BPIFB6: variants seen among roughly 807,000 people sequenced by gnomAD.
BPIFB6 encodes the protein BPI fold-containing family B member 6.
A neutral mutation model predicts 54.7 loss-of-function variants in BPIFB6; 47 were observed. The ratio of observed to expected loss-of-function variants is 0.86; its 90% CI spans 0.68 to 1.10. The LOEUF is 1.10. BPIFB6 is among the 50% of genes least tolerant of loss of function. BPIFB6 has a pLI of 0.00. For missense variants in BPIFB6, 603 were observed against 564.1 expected (o/e 1.07, Z -0.70); for synonymous variants, 255 against 225.9 (o/e 1.13, Z -1.16).
intron 3 of BPIFB6, 101 bp from the exon 4 acceptor site, chr20:33,034,662 C>A (rs941671956): frequency 7.3e-7 from 1 of 1,377,322 alleles, no homozygotes; most frequent in Non-Finnish European, 9.9e-7. Flanking sequence ...GTCTCCTACC[C>A]TTTCTCCCTC....
Position 33,034,194 on chromosome 20 carries a change from T to A in BPIFB6, c.206T>A (p.Val69Glu), listed in dbSNP as rs567981759. Residue 69 changes from valine to glutamate, a missense_variant, in exon 3 of 15, where the codon GTG (valine) becomes GAG (glutamate). By Grantham distance (121) the Val-to-Glu change is moderately radical (BLOSUM62 -2). Coordinates refer to ENST00000349552, the MANE Select transcript of BPIFB6 (RefSeq NM_174897.2). ...TGCCTGTCCCTTCCCAGTTTGAAGG[T>A]GAAGGATGTCCAGCTGCCCGTCATC... ...KPIKGITNLK[V>E]KDVQLPVITL... 2.5e-6 allele frequency: 4 copies of A among 1,613,052 alleles called. No individual in the cohort carries two copies. In the South Asian group the frequency reaches 4.4e-5, roughly 18 times the overall value.
intron 11 of BPIFB6, among the ~76,000 whole-genome samples, chr20:33,041,681 G>A (rs1485490251): frequency 6.6e-6 from 1 of 152,170 alleles, no homozygotes; most frequent in Non-Finnish European, 1.5e-5. Context: ...CTGCATAGCT[G>A]GCCTTGGGCA....
rs1979229306 is a variant in BPIFB6, at chr20:33,034,236, C to T, written c.248C>T (p.Pro83Leu). 3 of 1,614,170 alleles carry T rather than the reference C, an allele frequency of 1.9e-6. No individual in the cohort carries two copies. Among genetic ancestry groups the T allele is most frequent in the East Asian group, 2.2e-5 (1 of 44,880 alleles). ...CCCGTCATCACACTGAACTTTGTAC[C>T]TGGAGTGGGCATCTTCCAATGTGTG... ...QLPVITLNFV[P>L]GVGIFQCVST... Residue 83 changes from proline to leucine, a missense_variant, in exon 3 of 15, where the codon CCT (proline) becomes CTT (leucine). Transcript: ENST00000349552.
intron 1 of BPIFB6, among the ~76,000 whole-genome samples, 180 bp from the exon 2 acceptor site, chr20:33,032,804 G>A (rs751589493): frequency 6.6e-6 from 1 of 152,164 alleles, no homozygotes; most frequent in Admixed American, 6.5e-5. Context: ...GGCTCCTACA[G>A]CTTGTTACTG....
chr20:33,035,465 T>C (rs970401773), intron 5 of BPIFB6, 147 bp from the exon 6 acceptor site: 34 of 818,834 alleles, frequency 4.2e-5, no homozygotes, highest in Non-Finnish European at 6.7e-5. Flanking sequence ...AGCTCTGCCA[T>C]TTACTTTCTG....
Position 33,037,694 on chromosome 20 carries a change from G to T in BPIFB6, c.802G>T (p.Ala268Ser). 5 of 1,614,148 alleles carry T rather than the reference G, an allele frequency of 3.1e-6. No homozygotes were observed. The highest frequency in any genetic ancestry group is 1.3e-5 in the African/African-American group (1 of 75,018). The change falls in exon 8 of 15, where the codon GCC becomes TCC. Residue 268 changes from alanine to serine, a missense_variant. By Grantham distance (99) the Ala-to-Ser change is moderately conservative. Coordinates refer to ENST00000349552, the MANE Select transcript of BPIFB6 (RefSeq NM_174897.2). ...LPATFLSAELALLQKSFHVNI... is the reference protein window; with the variant it reads ...LPATFLSAELSLLQKSFHVNI... ...AGCCACCTTCCTCTCTGCAGAGCTT[G>T]CCCTTCTGCAGAAGTCCTTTCATGT...
At position 33,041,903 on chromosome 20, in the gene BPIFB6, G is replaced by T. The variant is rs371017349; in HGVS notation, c.1143-67G>T. On this transcript the variant is annotated intron_variant, in intron 11 of 14. Transcript: ENST00000349552. ...GGTGCTTGGGACCCCCTTCTCCAGC[G>T]CCAGGGCCACTGGCTCTGACCGTTC... The T allele has an allele frequency of 6.7e-6, 10 of 1,488,772 alleles. No individual in the cohort carries two copies. In the African/African-American group the frequency reaches 8.3e-5, roughly 12 times the overall value. The allele number at this position is 1,488,772 out of a possible 1,614,324, so 92.2% of individuals were successfully genotyped here. A position where few individuals can be genotyped will look rare whatever the true frequency, so the allele number is the denominator to read the frequency against.
intron 6 of BPIFB6, 33 bp downstream of exon 6, chr20:33,035,705 C>A: frequency 1.9e-6 from 3 of 1,596,820 alleles, no homozygotes; most frequent in Non-Finnish European, 2.6e-6. Flanking sequence ...CTTGCCCCTA[C>A]CTAGGGATAT....
Position 33,033,042 on chromosome 20 carries a change from C to T in BPIFB6, c.156C>T (p.Gly52=), listed in dbSNP as rs758327145. 1.9e-6 allele frequency: 3 copies of T among 1,613,880 alleles called. No homozygotes were observed. Among genetic ancestry groups the T allele is most frequent in the Non-Finnish European group, 2.5e-6 (3 of 1,179,940 alleles). The change falls in exon 2 of 15, where the codon GGC becomes GGT. Residue 52 remains glycine (G), a synonymous_variant. Coordinates refer to ENST00000349552, the MANE Select transcript of BPIFB6 (RefSeq NM_174897.2). ...HILEKMAAEA[G]KKQPGMKPIK... ...TGGAGAAGATGGCAGCCGAGGCAGG[C>T]AAGAAACAGCCAGGGATGAAACCTA...
At position 33,039,429 on chromosome 20, in the gene BPIFB6, G is replaced by C. The variant is rs775834459; in HGVS notation, c.983G>C (p.Gly328Ala). ...KKPPKVTMKT[G>A]KSLLHLHSTL... ...CCTCCCAAGGTCACTATGAAGACAG[G>C]CAAGAGCCTGCTGCACCTCCACAGC... Residue 328 changes from glycine (G) to alanine (A), a missense_variant, in exon 10 of 15, where the codon GGC (glycine) becomes GCC (alanine). Coordinates refer to ENST00000349552, the MANE Select transcript of BPIFB6 (RefSeq NM_174897.2). 3 of 1,614,070 alleles carry C rather than the reference G, an allele frequency of 1.9e-6. No individual in the cohort carries two copies. The East Asian group carries it at 6.7e-5, about 36-fold the overall frequency.
At chr20:33,035,205 C>A in intron 5 of BPIFB6, 61 bp downstream of exon 5, 1 of 1,533,546 alleles carries the variant, frequency 6.5e-7, no homozygotes, top group Non-Finnish European at 9.0e-7. Context: ...CCAGGGCTGG[C>A]AAATGCATTT....
At chr20:33,036,600 G>T (rs1175311748) in intron 7 of BPIFB6, 64 bp downstream of exon 7, 1 of 1,437,738 alleles carries the variant, frequency 7.0e-7, no homozygotes, top group African/African-American at 1.4e-5. Context: ...AGTGGGTGAT[G>T]CTTCTGCCAG....
intron 8 of BPIFB6, among the ~76,000 whole-genome samples, chr20:33,038,417 A>G (rs1303790058): frequency 6.6e-6 from 1 of 151,878 alleles, no homozygotes; most frequent in African/African-American, 2.4e-5. Flanking sequence ...CTACTCCACC[A>G]TATTCCCATC....
intron 6 of BPIFB6, among the ~76,000 whole-genome samples, 163 bp from the exon 7 acceptor site, chr20:33,036,282 T>A (rs536501050): frequency 2.6e-5 from 4 of 152,186 alleles, no homozygotes; most frequent in South Asian, 2.1e-4. Context: ...CCAGGAACCA[T>A]GGCCTCTATT....
chr20:33,041,536 T>C (rs574766686), intron 11 of BPIFB6, among the ~76,000 whole-genome samples: 1 of 152,218 alleles, frequency 6.6e-6, no homozygotes, highest in Non-Finnish European at 1.5e-5. Context: ...AGCCACCAGA[T>C]GGCCATCACA....
chr20:33,039,575 C>A, intron 10 of BPIFB6, 55 bp downstream of exon 10: 7 of 1,539,308 alleles, frequency 4.5e-6, no homozygotes, highest in Non-Finnish European at 5.3e-6. Flanking sequence ...ATATTCAGGG[C>A]TGGAGGATGG....
chr20:33,033,014 T>A lies in BPIFB6; in HGVS notation c.128T>A (p.Ile43Asn), dbSNP rs1979169555. ...QVQSAMDESHILEKMAAEAGK... is the reference protein window; with the variant it reads ...QVQSAMDESHNLEKMAAEAGK... Reference sequence around the variant, plus strand: ...CAGAGCGCCATGGATGAGAGTCATATCCTGGAGAAGATGGCAGCCGAGGCA... The same window carrying A: ...CAGAGCGCCATGGATGAGAGTCATAACCTGGAGAAGATGGCAGCCGAGGCA... The change falls in exon 2 of 15, where the codon ATC becomes AAC. Residue 43 changes from isoleucine to asparagine, a missense_variant. Coordinates refer to ENST00000349552, the MANE Select transcript of BPIFB6 (RefSeq NM_174897.2). 4 of 1,614,062 alleles carry A rather than the reference T, an allele frequency of 2.5e-6. No individual in the cohort carries two copies. In the East Asian group the frequency reaches 8.9e-5, roughly 36 times the overall value.
chr20:33,038,000 C>G (rs1043812547), intron 8 of BPIFB6, among the ~76,000 whole-genome samples: 3 of 152,182 alleles, frequency 2.0e-5, no homozygotes, highest in Non-Finnish European at 4.4e-5. Context: ...TCTTGGTCAT[C>G]CATCCACCTT....
In BPIFB6 at chr20:33,041,615, G is replaced by A. The variant is rs1168126872; in HGVS notation, c.1143-355G>A. 4.6e-5 allele frequency among the ~76,000 whole-genome samples: 7 copies of A among 152,050 alleles called. No homozygotes were observed. In the East Asian group the frequency reaches 5.8e-4, roughly 13 times the overall value. On this transcript the variant is annotated intron_variant, in intron 11 of 14. Transcript: ENST00000349552. The stretch of plus-strand genomic sequence containing the variant: ...TGTACAGGGACGGGGCTGGGGGAAG[G>A]GCTCCTGTTCTGTGTCCTGCAAGGA...
Sources: allele counts gnomAD v4.1 joint callset (sites outside exome capture counted in the v4.1 genomes callset), GRCh38; gene constraint gnomAD v4.1.1; transcripts MANE v1.5; gene names NCBI Gene and HGNC (gene_info 2026-07-23, HGNC 2026-07-21).